FBN1: variants seen among roughly 807,000 people sequenced by gnomAD.
FBN1 encodes the protein fibrillin 1, also known as fibrillin-1.
In FBN1, 29 loss-of-function variants were observed where a neutral mutation model predicts 365.1. The observed-to-expected ratio is 0.08, with a 90% CI of 0.06 to 0.11. The LOEUF (loss-of-function observed/expected upper bound fraction) is 0.11, where lower values mean the gene tolerates loss of function less well. Among genes scored for constraint, FBN1 ranks in the 10% least tolerant of loss-of-function variants. The pLI is 1.00. For synonymous variants in FBN1, 1,210 were observed against 1,270.5 expected (o/e 0.95, Z 1.01); for missense variants, 2,476 against 3,703.2 (o/e 0.67, Z 8.60).
chr15:48,507,965 C>T (rs890792957), intron 15 of FBN1, among the ~76,000 whole-genome samples: 13 of 152,100 alleles, frequency 8.5e-5, no homozygotes, highest in African/African-American at 2.4e-4. Context: ...ATTTTTGCTT[C>T]GATACCTGGG....
chr15:48,438,742 T>A (rs779597287), intron 50 of FBN1, among the ~76,000 whole-genome samples: 2 of 152,194 alleles, frequency 1.3e-5, no homozygotes, highest in Non-Finnish European at 2.9e-5. Context: ...GAAGATGGGA[T>A]CTACTTCCTA....
intron 63 of FBN1, among the ~76,000 whole-genome samples, chr15:48,417,409 T>TCTTC (rs991565915): frequency 6.9e-6 from 1 of 144,438 alleles, no homozygotes; most frequent in Admixed American, 7.0e-5. Flanking sequence ...TCCTTCCCTT[T>TCTTC]CTTCCTTCCT....
At chr15:48,638,596 A>G (rs1890140428) in intron 2 of FBN1, among the ~76,000 whole-genome samples, 1 of 149,754 alleles carries the variant, frequency 6.7e-6, no homozygotes, top group African/African-American at 2.5e-5. Context: ...GCAAAGTACA[A>G]TCATAAGTGA....
chr15:48,497,512 A>T (rs921635507), intron 18 of FBN1, 121 bp from the exon 19 acceptor site: 26 of 896,626 alleles, frequency 2.9e-5, no homozygotes, highest in Non-Finnish European at 4.4e-5. Context: ...AAAAAAATCG[A>T]TTTCACTGGA....
intron 15 of FBN1, among the ~76,000 whole-genome samples, chr15:48,506,826 T>C (rs1224184601): frequency 6.6e-6 from 1 of 152,320 alleles, no homozygotes; most frequent in East Asian, 1.9e-4. Context: ...GATTAATTTC[T>C]TTTTTCATCC....
intron 34 of FBN1, among the ~76,000 whole-genome samples, chr15:48,473,862 T>C (rs1453052589): frequency 2.6e-5 from 4 of 152,106 alleles, no homozygotes; most frequent in Non-Finnish European, 5.9e-5. Context: ...GTATGATTTG[T>C]TTAAACTAAT....
intron 4 of FBN1, among the ~76,000 whole-genome samples, chr15:48,605,127 T>G (rs2044596944): frequency 6.6e-6 from 1 of 152,182 alleles, no homozygotes; most frequent in Admixed American, 6.5e-5. Flanking sequence ...ATCAAAATCC[T>G]AAAAGGTTTT....
chr15:48,412,597 G>C lies in FBN1; in HGVS notation c.8198C>G (p.Thr2733Arg), dbSNP rs794728340. The change falls in exon 65 of 66, where the codon ACA becomes AGA. Residue 2733 changes from threonine (T) to arginine (R), a missense_variant. Thr to Arg is a moderately conservative substitution (Grantham distance 71). Transcript: ENST00000316623. ...YPKRGRKRRS[T>R]NETDASNIED... is the part of the protein sequence containing the mutation. ...GATATTGGAGGCATCAGTTTCGTTT[G>C]TGCTTCTCCGTTTCCTGCCCCGTTT... 3.1e-6 allele frequency: 5 copies of C among 1,614,046 alleles called. No individual in the cohort carries two copies. Among genetic ancestry groups the C allele is most frequent in the African/African-American group, 1.3e-5 (1 of 74,928 alleles).
At chr15:48,567,998 TAAGAAAGAAAGA>T (rs55984910) in intron 6 of FBN1, among the ~76,000 whole-genome samples, 84 of 56,522 alleles carry the variant, frequency 1.5e-3, no homozygotes, top group Admixed American at 4.9e-3. Context: ...AGTATACAGA[TAAGAAAGAAAGA>T]AAGAAAGAAA....
chr15:48,437,581 T>C, intron 51 of FBN1, 187 bp downstream of exon 51: 1 of 800,998 alleles, frequency 1.2e-6, no homozygotes, highest in Non-Finnish European at 2.0e-6. Flanking sequence ...GCATCTGTGA[T>C]TCATGACATA....
In FBN1 at chr15:48,410,906, T is replaced by C; in HGVS notation, c.*84A>G. On this transcript the variant is annotated 3_prime_UTR_variant, in exon 66 of 66. Coordinates refer to ENST00000316623, the MANE Select transcript of FBN1 (RefSeq NM_000138.5). ...ACTTGGTGAAAGATTGTACCTATGA[T>C]ATGATGATTCTGATTGGGGGAAAAT... 1 of 1,259,586 alleles carries C rather than the reference T, an allele frequency of 7.9e-7. No individual in the cohort carries two copies. The highest frequency in any genetic ancestry group is 2.0e-5 in the Admixed American group (1 of 50,024). The allele number at this position is 1,259,586 out of a possible 1,614,324, so 78.0% of individuals were successfully genotyped here.
chr15:48,439,728 C>G (rs904580287), intron 50 of FBN1, among the ~76,000 whole-genome samples: 23 of 152,182 alleles, frequency 1.5e-4, no homozygotes, highest in African/African-American at 5.3e-4. Flanking sequence ...GACCCCAGCT[C>G]TATCTCCCCC....
chr15:48,556,258 AC>A (rs1367755455), intron 6 of FBN1, among the ~76,000 whole-genome samples: 1 of 152,130 alleles, frequency 6.6e-6, no homozygotes, highest in Non-Finnish European at 1.5e-5. Context: ...TTCATGACTC[AC>A]CTTCAATTTC....
chr15:48,435,776 G>GTGTATATATATGTATA (rs1566895708), intron 53 of FBN1, among the ~76,000 whole-genome samples: 1,420 of 28,490 alleles, frequency 0.05, 30 homozygotes, highest in African/African-American at 0.12. Flanking sequence ...GTGTATATGT[G>GTGTATATATATGTATA]TGTGTGTGTG....
chr15:48,418,856 G>A (rs2141218540), intron 63 of FBN1, among the ~76,000 whole-genome samples: 1 of 152,258 alleles, frequency 6.6e-6, no homozygotes, highest in South Asian at 2.1e-4. Context: ...TGGCCTTAAG[G>A]GAGTACCGAT....
At chr15:48,626,097 A>T (rs1310461470) in intron 2 of FBN1, among the ~76,000 whole-genome samples, 1 of 152,078 alleles carries the variant, frequency 6.6e-6, no homozygotes, top group African/African-American at 2.4e-5. Flanking sequence ...ATCTTCAAAA[A>T]AATTTTTAAA....
intron 38 of FBN1, 134 bp downstream of exon 38, chr15:48,467,804 T>A (rs1169798673): frequency 2.4e-6 from 2 of 831,084 alleles, no homozygotes; most frequent in Non-Finnish European, 4.1e-6. Context: ...GAATTGGGAA[T>A]AAGGTCCCCT....
At chr15:48,574,850 G>T (rs1217866827) in intron 6 of FBN1, among the ~76,000 whole-genome samples, 1 of 152,156 alleles carries the variant, frequency 6.6e-6, no homozygotes. Flanking sequence ...GAATATCACT[G>T]TTGTTTTGTT....
intron 6 of FBN1, among the ~76,000 whole-genome samples, chr15:48,571,639 TA>T (rs1232282364): frequency 1.3e-5 from 2 of 152,112 alleles, no homozygotes; most frequent in African/African-American, 4.8e-5. Context: ...TTTTATTATT[TA>T]AAAAATCCCT....
Sources: gnomAD v4.1 joint callset for allele counts (sites outside exome capture counted in the v4.1 genomes callset) on GRCh38, gnomAD v4.1.1 for gene constraint, MANE v1.5 for transcripts, NCBI Gene and HGNC (gene_info 2026-07-23, HGNC 2026-07-21) for gene names.